NLGN1: variants seen among roughly 807,000 people sequenced by gnomAD.
The protein encoded by NLGN1 is neuroligin-1.
A neutral mutation model predicts 65.5 loss-of-function variants in NLGN1; 12 were observed. The observed-to-expected ratio is 0.18, with a 90% CI of 0.12 to 0.30. The LOEUF is 0.30. Ranked by LOEUF, NLGN1 falls within the 10% of genes least tolerant of loss-of-function variation. NLGN1 has a pLI of 1.00. For missense variants in NLGN1, 750 were observed against 1,007.1 expected, an observed-to-expected ratio of 0.74 and a Z score of 3.46; for synonymous variants, 350 against 359.5, an observed-to-expected ratio of 0.97 and a Z score of 0.30.
intron 4 of NLGN1, among the ~76,000 whole-genome samples, chr3:173,809,886 AT>A (rs1274230099): frequency 3.9e-5 from 6 of 152,280 alleles, no homozygotes; most frequent in Non-Finnish European, 5.9e-5. Context: ...CAGTATTGAT[AT>A]TATCAAAGTA....
chr3:174,073,552 C>A (rs900375986), intron 4 of NLGN1, among the ~76,000 whole-genome samples: 5 of 152,108 alleles, frequency 3.3e-5, no homozygotes, highest in Non-Finnish European at 5.9e-5. Flanking sequence ...TCTCTGAGTT[C>A]TTTTCCTTCT....
At chr3:173,588,179 A>G (rs1342627514) in intron 2 of NLGN1, among the ~76,000 whole-genome samples, 2 of 152,230 alleles carry the variant, frequency 1.3e-5, no homozygotes, top group Non-Finnish European at 2.9e-5. Flanking sequence ...GTGAACACTC[A>G]TGATGAGTCT....
intron 4 of NLGN1, among the ~76,000 whole-genome samples, chr3:173,923,010 T>G (rs35698421): frequency 6.6e-6 from 1 of 152,136 alleles, no homozygotes; most frequent in Admixed American, 6.6e-5. Flanking sequence ...ATATAATTAT[T>G]ATCATCATCG....
intron 4 of NLGN1, among the ~76,000 whole-genome samples, chr3:173,884,289 A>G (rs2150944435): frequency 6.6e-6 from 1 of 152,240 alleles, no homozygotes; most frequent in East Asian, 1.9e-4. Flanking sequence ...ATCAACTGCA[A>G]TTTCTGATTT....
At chr3:174,042,192 A>T (rs1473152971) in intron 4 of NLGN1, among the ~76,000 whole-genome samples, 1 of 152,040 alleles carries the variant, frequency 6.6e-6, no homozygotes, top group Non-Finnish European at 1.5e-5. Context: ...TCATTTTCTC[A>T]ATGGTGTCTT....
At chr3:173,896,711 A>T (rs1236291776) in intron 4 of NLGN1, among the ~76,000 whole-genome samples, 1 of 152,044 alleles carries the variant, frequency 6.6e-6, no homozygotes, top group Non-Finnish European at 1.5e-5. Context: ...CATACCATAG[A>T]TGCTGACATG....
intron 4 of NLGN1, among the ~76,000 whole-genome samples, chr3:174,207,589 G>A (rs2152785044): frequency 6.6e-6 from 1 of 152,282 alleles, no homozygotes; most frequent in East Asian, 1.9e-4. Context: ...ATATACAGAG[G>A]CCACAGGCTA....
At chr3:173,991,805 G>T (rs1399620567) in intron 4 of NLGN1, among the ~76,000 whole-genome samples, 11 of 151,206 alleles carry the variant, frequency 7.3e-5, no homozygotes, top group African/African-American at 2.7e-4. Context: ...TTTTTTTGTT[G>T]TTGTTGTTGT....
intron 4 of NLGN1, among the ~76,000 whole-genome samples, chr3:174,015,254 A>G (rs924448221): frequency 2.0e-5 from 3 of 152,204 alleles, no homozygotes; most frequent in Non-Finnish European, 4.4e-5. Context: ...TTGGGCTGCC[A>G]TAACAAAATA....
chr3:173,454,594 A>G (rs903936138), intron 2 of NLGN1, among the ~76,000 whole-genome samples: 2 of 152,192 alleles, frequency 1.3e-5, no homozygotes, highest in Non-Finnish European at 1.5e-5. Context: ...CTTTCCTTCA[A>G]GTGATGAACC....
chr3:174,025,688 TAGAA>T (rs1482613165), intron 4 of NLGN1, among the ~76,000 whole-genome samples: 1 of 152,094 alleles, frequency 6.6e-6, no homozygotes, highest in Non-Finnish European at 1.5e-5. Flanking sequence ...GGACAAAAAT[TAGAA>T]AGATGAGTAA....
intron 3 of NLGN1, among the ~76,000 whole-genome samples, chr3:173,682,623 A>G (rs1032433230): frequency 6.0e-5 from 9 of 150,466 alleles, no homozygotes; most frequent in African/African-American, 2.0e-4. Flanking sequence ...AGGTATTACT[A>G]CATAAGCCAT....
At chr3:173,398,511 T>G (rs1717041294) in intron 1 of NLGN1, 1 of 152,214 alleles carries the variant, frequency 6.6e-6, no homozygotes, top group Non-Finnish European at 1.5e-5. Flanking sequence ...AAAAACCACC[T>G]GAATTTAAAA....
At chr3:173,888,052 A>G (rs1734685099) in intron 4 of NLGN1, among the ~76,000 whole-genome samples, 1 of 152,082 alleles carries the variant, frequency 6.6e-6, no homozygotes, top group Admixed American at 6.6e-5. Flanking sequence ...TGACAGTGAA[A>G]CATGGTGTAT....
chr3:174,070,130 G>T (rs1739499063), intron 4 of NLGN1, among the ~76,000 whole-genome samples: 2 of 152,126 alleles, frequency 1.3e-5, no homozygotes. Context: ...GAAGGAGTTA[G>T]AAGCAACATT....
At chr3:173,505,180 A>T (rs1731801973) in intron 2 of NLGN1, among the ~76,000 whole-genome samples, 1 of 152,012 alleles carries the variant, frequency 6.6e-6, no homozygotes, top group African/African-American at 2.4e-5. Flanking sequence ...TGGATGCCCA[A>T]CTTTTTCATC....
intron 4 of NLGN1, among the ~76,000 whole-genome samples, chr3:174,081,169 A>G (rs1234668099): frequency 6.6e-6 from 1 of 152,140 alleles, no homozygotes; most frequent in Non-Finnish European, 1.5e-5. Flanking sequence ...TAGACAAGAA[A>G]AAGTCTGAAT....
intron 4 of NLGN1, among the ~76,000 whole-genome samples, chr3:173,907,828 A>G (rs1331310965): frequency 1.4e-5 from 2 of 140,108 alleles, no homozygotes; most frequent in African/African-American, 2.7e-5. Context: ...CAGGTGATCC[A>G]CCCGCCTCAG....
intron 3 of NLGN1, among the ~76,000 whole-genome samples, chr3:173,705,189 A>G (rs1767870414): frequency 6.6e-6 from 1 of 152,120 alleles, no homozygotes; most frequent in Admixed American, 6.5e-5. Flanking sequence ...AAGGTAGATG[A>G]ATTTGTGACC....
Sources: gnomAD v4.1 joint callset for allele counts (sites outside exome capture counted in the v4.1 genomes callset) on GRCh38, gnomAD v4.1.1 for gene constraint, MANE v1.5 for transcripts, NCBI Gene and HGNC (gene_info 2026-07-23, HGNC 2026-07-21) for gene names.